Variants in CDK17 observed in about 807,000 individuals in gnomAD.
CDK17 encodes the protein cyclin-dependent kinase 17.
In CDK17, 24 loss-of-function variants were observed where a neutral mutation model predicts 77.6. The observed-to-expected ratio is 0.31, with a 90% CI of 0.22 to 0.44. The LOEUF (loss-of-function observed/expected upper bound fraction) is 0.44. CDK17 is among the 20% of genes least tolerant of loss of function. The pLI, the probability that CDK17 is intolerant of heterozygous loss-of-function variation, is 1.00. For synonymous variants in CDK17, 203 were observed against 210.4 expected, an observed-to-expected ratio of 0.96 and a Z score of 0.30; for missense variants, 429 against 622.5, an observed-to-expected ratio of 0.69 and a Z score of 3.31.
intron 5 of CDK17, among the ~76,000 whole-genome samples, chr12:96,304,323 G>C (rs1952548971): frequency 2.0e-5 from 3 of 152,138 alleles, no homozygotes; most frequent in Admixed American, 2.0e-4. Context: ...CGGATCATGA[G>C]GTCAGGAGAT....
intron 2 of CDK17, among the ~76,000 whole-genome samples, chr12:96,327,185 A>G (rs1952902196): frequency 6.6e-6 from 1 of 152,204 alleles, no homozygotes; most frequent in South Asian, 2.1e-4. Flanking sequence ...GATGGAACCA[A>G]TGGTGGGGGG....
At chr12:96,320,108 C>T (rs1952794875) in intron 3 of CDK17, among the ~76,000 whole-genome samples, 1 of 152,172 alleles carries the variant, frequency 6.6e-6, no homozygotes, top group Admixed American at 6.5e-5. Flanking sequence ...TCTCAGGATA[C>T]AAAATCAATG....
chr12:96,355,467 C>A (rs1004404395), intron 1 of CDK17, among the ~76,000 whole-genome samples: 10 of 140,240 alleles, frequency 7.1e-5, no homozygotes, highest in Admixed American at 7.0e-4. Flanking sequence ...TGTAATGGCA[C>A]GATCTCAGCT....
At chr12:96,285,827 G>C (rs1952238449) in intron 13 of CDK17, 2 of 291,070 alleles carry the variant, frequency 6.9e-6, no homozygotes, top group Non-Finnish European at 1.3e-5. Flanking sequence ...CTGTGGTACG[G>C]AATAAGGCAT....
chr12:96,397,126 C>T (rs1954183768), intron 1 of CDK17, among the ~76,000 whole-genome samples: 1 of 151,986 alleles, frequency 6.6e-6, no homozygotes, highest in African/African-American at 2.4e-5. Context: ...AAAAACAAGC[C>T]TCAACAAAGC....
intron 3 of CDK17, among the ~76,000 whole-genome samples, chr12:96,319,211 C>A (rs1243692175): frequency 2.0e-5 from 3 of 151,992 alleles, no homozygotes; most frequent in Admixed American, 1.3e-4. Flanking sequence ...GAAATGGATA[C>A]ATTCCTCAAC....
chr12:96,281,454 C>T (rs1175085123), intron 15 of CDK17, among the ~76,000 whole-genome samples: 2 of 152,204 alleles, frequency 1.3e-5, no homozygotes, highest in African/African-American at 4.8e-5. Flanking sequence ...CTGCAACCTC[C>T]GCCTCCCAGG....
chr12:96,392,171 C>T (rs1368088296), intron 1 of CDK17, among the ~76,000 whole-genome samples: 1 of 152,146 alleles, frequency 6.6e-6, no homozygotes, highest in Non-Finnish European at 1.5e-5. Context: ...TATAGCAGAA[C>T]CACCATAACT....
chr12:96,297,309 C>T lies in CDK17; in HGVS notation c.834G>A (p.Met278Ile). 6.2e-7 allele frequency: 1 copy of T among 1,610,502 alleles called. No individual in the cohort carries two copies. Among genetic ancestry groups the T allele is most frequent in the Non-Finnish European group, 8.5e-7 (1 of 1,177,506 alleles). Residue 278 changes from methionine (M) to isoleucine (I), a missense_variant, in exon 9 of 17, where the codon ATG becomes ATA. This residue lies in a region of CDK17 where 262 missense variants were observed against 385.4 expected (regional missense o/e 0.68). Coordinates refer to ENST00000261211, the MANE Select transcript of CDK17 (RefSeq NM_002595.5). Reference sequence around the variant, plus strand: ...TACTCATGATGTTTCCACAGTCATCCATGTACTGTTTCAGGTCTTTATCCT... The same window carrying T: ...TACTCATGATGTTTCCACAGTCATCTATGTACTGTTTCAGGTCTTTATCCT... Reference protein sequence around the residue: ...EYLDKDLKQYMDDCGNIMSMH... With the variant: ...EYLDKDLKQYIDDCGNIMSMH...
At chr12:96,394,855 A>T (rs1954142442) in intron 1 of CDK17, among the ~76,000 whole-genome samples, 1 of 139,306 alleles carries the variant, frequency 7.2e-6, no homozygotes. Context: ...TTTTATTTTT[A>T]TTTATTATTT....
chr12:96,313,461 C>T lies in CDK17; in HGVS notation c.284-7G>A. The stretch of plus-strand genomic sequence containing the variant: ...AGATTTTCATGAACAATATCTATAT[C>T]AAAAAATGAGACATTAAAAGAGATA... On this transcript the variant is annotated splice_region_variant and splice_polypyrimidine_tract_variant and intron_variant, in intron 3 of 16. Transcript: ENST00000261211. 6.7e-7 allele frequency: 1 copy of T among 1,499,816 alleles called. No homozygotes were observed. The highest frequency in any genetic ancestry group is 9.0e-7 in the Non-Finnish European group (1 of 1,114,318). The allele number at this position is 1,499,816 out of a possible 1,614,324, so 92.9% of individuals were successfully genotyped here.
rs147741516 is a variant in CDK17 at position 96,306,062 on chromosome 12, T to C, written c.543+4990A>G. The stretch of plus-strand genomic sequence containing the variant: ...GATATAGGAAGAGAGATCATCTGCT[T>C]ACAGTAAGAGAGGAAGAGTTAATCA... On this transcript the variant is annotated intron_variant, in intron 5 of 16. Transcript: ENST00000261211. 3.2e-3 allele frequency among the ~76,000 whole-genome samples: 487 copies of C among 152,148 alleles called. 1 individual carries two copies. Among genetic ancestry groups the C allele is most frequent in the African/African-American group, 0.011 (466 of 41,506 alleles).
chr12:96,387,867 C>T (rs1206583268), intron 1 of CDK17, among the ~76,000 whole-genome samples: 1 of 151,952 alleles, frequency 6.6e-6, no homozygotes, highest in East Asian at 1.9e-4. Flanking sequence ...TGCTTGAGCC[C>T]AGTAGGTTGA....
At chr12:96,323,193 G>A (rs1952844778) in intron 3 of CDK17, among the ~76,000 whole-genome samples, 1 of 151,872 alleles carries the variant, frequency 6.6e-6, no homozygotes, top group African/African-American at 2.4e-5. Flanking sequence ...AGCCCTCTGG[G>A]AGGCTGAGGC....
At chr12:96,298,773 C>T in intron 7 of CDK17, 96 bp downstream of exon 7, 1 of 623,572 alleles carries the variant, frequency 1.6e-6, no homozygotes, top group Non-Finnish European at 2.7e-6. Flanking sequence ...ATCTTCCAGT[C>T]ATTTATTACT....
chr12:96,332,639 A>G (rs1366613050), intron 2 of CDK17, among the ~76,000 whole-genome samples: 1 of 152,252 alleles, frequency 6.6e-6, no homozygotes, highest in Admixed American at 6.5e-5. Flanking sequence ...GAAAATAAGC[A>G]TAGTAGATTA....
chr12:96,362,460 A>G (rs972964301), intron 1 of CDK17, among the ~76,000 whole-genome samples: 1 of 152,026 alleles, frequency 6.6e-6, no homozygotes, highest in African/African-American at 2.4e-5. Context: ...CTCAACTGAC[A>G]TGCCCGCCTC....
intron 1 of CDK17, among the ~76,000 whole-genome samples, chr12:96,384,570 A>G (rs539499629): frequency 1.5e-3 from 228 of 152,348 alleles, no homozygotes; most frequent in Non-Finnish European, 2.3e-3. Flanking sequence ...GGAGTACTGT[A>G]TAGCCATAAA....
In CDK17 at chr12:96,280,142, C is replaced by T. The variant is rs144347358; in HGVS notation, c.*100G>A. 0.024 allele frequency: 28,311 copies of T among 1,198,776 alleles called. 445 individuals are homozygous for T. Among genetic ancestry groups the T allele is most frequent in the Non-Finnish European group, 0.028 (24,171 of 855,634 alleles). The allele number at this position is 1,198,776 out of a possible 1,614,324, so 74.3% of individuals were successfully genotyped here. On this transcript the variant is annotated 3_prime_UTR_variant, in exon 17 of 17. Coordinates refer to ENST00000261211, the MANE Select transcript of CDK17 (RefSeq NM_002595.5). The stretch of plus-strand genomic sequence containing the variant: ...CTGTGAAGAGGACAGTGTAGACAAA[C>T]GGAGATTCCAAGTCCACCAAAAGAA...
Sources: gnomAD v4.1 joint callset for allele counts (sites outside exome capture counted in the v4.1 genomes callset) on GRCh38, gnomAD v4.1.1 for gene constraint, gnomAD v4.1.1 regional missense constraint, MANE v1.5 for transcripts, NCBI Gene and HGNC (gene_info 2026-07-23, HGNC 2026-07-21) for gene names.